Variants in BIRC6 observed in about 807,000 individuals in gnomAD.
The protein encoded by BIRC6 is dual E2 ubiquitin-conjugating enzyme/E3 ubiquitin-protein ligase BIRC6.
A neutral mutation model predicts 503.3 loss-of-function variants in BIRC6; 98 were observed. The observed-to-expected ratio is 0.19, with a 90% CI of 0.17 to 0.23. The LOEUF is 0.23. Among genes scored for constraint, BIRC6 ranks in the 10% least tolerant of loss-of-function variants. The pLI, the probability that BIRC6 is intolerant of heterozygous loss-of-function variation, is 1.00. For synonymous variants in BIRC6, 2,240 were observed against 2,078.7 expected (o/e 1.08, Z -2.11); for missense variants, 5,360 against 5,806.0 (o/e 0.92, Z 2.50).
intron 68 of BIRC6, among the ~76,000 whole-genome samples, chr2:32,596,665 G>T (rs2061695989): frequency 6.6e-6 from 1 of 152,046 alleles, no homozygotes; most frequent in Non-Finnish European, 1.5e-5. Context: ...GTGTATGTGT[G>T]TTTCTGTTGG....
chr2:32,540,002 A>G (rs1239934620), intron 61 of BIRC6, among the ~76,000 whole-genome samples: 2 of 152,114 alleles, frequency 1.3e-5, no homozygotes, highest in Non-Finnish European at 2.9e-5. Context: ...AGGTACTATT[A>G]TAACCAACTT....
intron 16 of BIRC6, among the ~76,000 whole-genome samples, chr2:32,440,348 A>T (rs1368304742): frequency 6.6e-6 from 1 of 152,084 alleles, no homozygotes; most frequent in Admixed American, 6.6e-5. Context: ...GTTTTTGGTG[A>T]CTATTTGGGA....
chr2:32,617,666 CA>C, intron 73 of BIRC6, 58 bp from the exon 74 acceptor site: 1 of 1,512,584 alleles, frequency 6.6e-7, no homozygotes, highest in Non-Finnish European at 9.0e-7. Context: ...GTTCCTGCCT[CA>C]AATGATGTTG....
At position 32,453,800 on chromosome 2, in the gene BIRC6, G is replaced by T; in HGVS notation, c.4619-8G>T. 1 of 1,610,462 alleles carries T rather than the reference G, an allele frequency of 6.2e-7. No homozygotes were observed. Among genetic ancestry groups the T allele is most frequent in the Non-Finnish European group, 8.5e-7 (1 of 1,178,622 alleles). On this transcript the variant is annotated splice_polypyrimidine_tract_variant and splice_region_variant and intron_variant, in intron 22 of 73. Coordinates refer to ENST00000421745, the MANE Select transcript of BIRC6 (RefSeq NM_016252.4). ...TCACGTGTTATAAAACTTGTCTTTT[G>T]CCATTAGGAAATGGAAAGGTCAGTA...
At chr2:32,398,698 G>C (rs1351159809) in intron 6 of BIRC6, among the ~76,000 whole-genome samples, 1 of 152,090 alleles carries the variant, frequency 6.6e-6, no homozygotes, top group Non-Finnish European at 1.5e-5. Context: ...TTTTAAAATT[G>C]ATGTGGGTCT....
chr2:32,618,083 C>CT lies in BIRC6; in HGVS notation c.*185dup. 1.9e-6 allele frequency: 1 copy of CT among 514,324 alleles called. No individual in the cohort carries two copies. The highest frequency in any genetic ancestry group is 3.1e-6 in the Non-Finnish European group (1 of 317,578). The allele number at this position is 514,324 out of a possible 1,614,324, so 31.9% of individuals were successfully genotyped here. A position where few individuals can be genotyped will look rare whatever the true frequency, so the allele number is the denominator to read the frequency against. On this transcript the variant is annotated 3_prime_UTR_variant, in exon 74 of 74. Coordinates refer to ENST00000421745, the MANE Select transcript of BIRC6 (RefSeq NM_016252.4). ...TTATTTACCTGTACAGGAGTGTAAACTTTTTTGTGCTTTTATTTTTCAATT... is the reference window on the plus strand; with the variant it reads ...TTATTTACCTGTACAGGAGTGTAAACTTTTTTTGTGCTTTTATTTTTCAATT...
intron 6 of BIRC6, 79 bp from the exon 7 acceptor site, chr2:32,401,084 G>C: frequency 8.3e-7 from 1 of 1,208,214 alleles, no homozygotes; most frequent in Non-Finnish European, 1.2e-6. Flanking sequence ...AAAAGATGAT[G>C]ATCCTGGAGT....
In BIRC6 at chr2:32,463,388, G is replaced by A. The variant is rs371201348; in HGVS notation, c.4941+7G>A. ...TTTGAAGCTTCAGCAACAGGTTGGA[G>A]ACTATTTGGCTCTTTGTTCATGCTG... On this transcript the variant is annotated splice_region_variant and intron_variant, in intron 24 of 73. Transcript: ENST00000421745. The A allele has an allele frequency of 8.1e-6, 13 of 1,604,026 alleles. No homozygotes were observed. Among genetic ancestry groups the A allele is most frequent in the Middle Eastern group, 1.7e-4 (1 of 5,974 alleles).
chr2:32,465,387 T>C (rs980539750), intron 26 of BIRC6, among the ~76,000 whole-genome samples: 3 of 151,950 alleles, frequency 2.0e-5, no homozygotes, highest in African/African-American at 7.2e-5. Flanking sequence ...ATTTGATCTA[T>C]ATATGAATCT....
rs201419396 is a variant in BIRC6 at position 32,397,715 on chromosome 2, T to C, written c.1034+2122T>C. Reference sequence around the variant, plus strand: ...ATGTACACACACACACACACACACATATATACACCATTTTAGTATATATTT... The same window carrying C: ...ATGTACACACACACACACACACACACATATACACCATTTTAGTATATATTT... On this transcript the variant is annotated intron_variant, in intron 6 of 73. Coordinates refer to ENST00000421745, the MANE Select transcript of BIRC6 (RefSeq NM_016252.4). Among the ~76,000 whole-genome samples the C allele has an allele frequency of 1.2e-3, 150 of 128,668 alleles. 1 individual carries two copies. In the South Asian group the frequency reaches 0.015, roughly 13 times the overall value. The allele number at this position is 128,668 out of a possible 152,430, so 84.4% of individuals were successfully genotyped here.
chr2:32,506,509 G>C (rs1301937914), intron 50 of BIRC6, among the ~76,000 whole-genome samples: 1 of 152,224 alleles, frequency 6.6e-6, no homozygotes, highest in Non-Finnish European at 1.5e-5. Flanking sequence ...TAAGACTTAG[G>C]CTACCTCTAA....
chr2:32,483,083 A>AT (rs1431819860), intron 39 of BIRC6, among the ~76,000 whole-genome samples: 2 of 75,240 alleles, frequency 2.7e-5, no homozygotes, highest in African/African-American at 1.1e-4. Flanking sequence ...AAGCCCAGCT[A>AT]TTTTTTGTAT....
At position 32,505,036 on chromosome 2, in the gene BIRC6, A is replaced by G. The variant is rs751518973; in HGVS notation, c.9531A>G (p.Gln3177=). ...GTITSSSPTA[Q]PAEVLLQATP... is the part of the protein sequence containing the mutation. ...TCACATCTAGCAGTCCTACTGCCCA[A>G]CCAGCTGAAGTGCTATTGCAGGCCA... The change falls in exon 50 of 74, where the codon CAA becomes CAG. Residue 3177 remains glutamine, a synonymous_variant. Coordinates refer to ENST00000421745, the MANE Select transcript of BIRC6 (RefSeq NM_016252.4). 3.3e-5 allele frequency: 54 copies of G among 1,613,742 alleles called. No individual in the cohort carries two copies. Among genetic ancestry groups the G allele is most frequent in the Non-Finnish European group, 2.6e-5 (31 of 1,179,830 alleles).
At chr2:32,390,309 T>C (rs2039053710) in intron 4 of BIRC6, among the ~76,000 whole-genome samples, 1 of 152,190 alleles carries the variant, frequency 6.6e-6, no homozygotes, top group Admixed American at 6.5e-5. Flanking sequence ...TAGCTGTGAC[T>C]ACAGGTGCCC....
intron 32 of BIRC6, among the ~76,000 whole-genome samples, chr2:32,471,864 G>C (rs1221685016): frequency 6.6e-6 from 1 of 152,052 alleles, no homozygotes; most frequent in Non-Finnish European, 1.5e-5. Context: ...TACATTGTCA[G>C]GAACTCAGTA....
intron 45 of BIRC6, among the ~76,000 whole-genome samples, chr2:32,496,891 G>T (rs970113432): frequency 6.6e-6 from 1 of 152,056 alleles, no homozygotes; most frequent in Non-Finnish European, 1.5e-5. Context: ...AGTTGTACTC[G>T]TTCGGACTTC....
At chr2:32,372,031 C>G (rs2036045817) in intron 1 of BIRC6, among the ~76,000 whole-genome samples, 1 of 152,086 alleles carries the variant, frequency 6.6e-6, no homozygotes, top group Non-Finnish European at 1.5e-5. Flanking sequence ...TCTCGAACTC[C>G]TGACCTCAAG....
intron 61 of BIRC6, among the ~76,000 whole-genome samples, chr2:32,535,335 G>T (rs995188190): frequency 1.3e-5 from 2 of 151,874 alleles, no homozygotes; most frequent in African/African-American, 4.8e-5. Context: ...ATACTTTTAG[G>T]GTACATGTGC....
chr2:32,365,573 C>T (rs2034792226), intron 1 of BIRC6, among the ~76,000 whole-genome samples: 1 of 152,132 alleles, frequency 6.6e-6, no homozygotes, highest in South Asian at 2.1e-4. Context: ...CTCGCCTCGG[C>T]CTCCCAAAGT....
Sources: gnomAD v4.1 joint callset for allele counts (sites outside exome capture counted in the v4.1 genomes callset) on GRCh38, gnomAD v4.1.1 for gene constraint, MANE v1.5 for transcripts, NCBI Gene and HGNC (gene_info 2026-07-23, HGNC 2026-07-21) for gene names.